Variants in PRKD1 observed in about 807,000 individuals in gnomAD.
PRKD1 encodes the protein protein kinase D1.
A neutral mutation model predicts 95.9 loss-of-function variants in PRKD1; 63 were observed. That is an observed-to-expected ratio of 0.66 (90% CI 0.54 to 0.81). The LOEUF (loss-of-function observed/expected upper bound fraction) is 0.81. PRKD1 is among the 30% of genes least tolerant of loss of function. The probability of loss-of-function intolerance (pLI) is 0.00; values close to 1 mark genes in which losing one functional copy is unlikely to be tolerated. For missense variants in PRKD1, 1,048 were observed against 1,165.3 expected (o/e 0.90, Z 1.47); for synonymous variants, 425 against 423.1 (o/e 1.00, Z -0.05).
At chr14:29,864,115 A>G (rs1370112122) in intron 1 of PRKD1, among the ~76,000 whole-genome samples, 1 of 152,116 alleles carries the variant, frequency 6.6e-6, no homozygotes, top group Non-Finnish European at 1.5e-5. Flanking sequence ...TATAAATTAA[A>G]TAAGAGAACT....
At chr14:29,873,492 A>C (rs1028363202) in intron 1 of PRKD1, among the ~76,000 whole-genome samples, 1 of 152,256 alleles carries the variant, frequency 6.6e-6, no homozygotes, top group Non-Finnish European at 1.5e-5. Flanking sequence ...GATACAAAAA[A>C]AAAAAGTCAA....
intron 1 of PRKD1, among the ~76,000 whole-genome samples, chr14:29,782,705 A>G (rs1363385301): frequency 1.3e-5 from 2 of 151,450 alleles, no homozygotes; most frequent in Non-Finnish European, 2.9e-5. Context: ...ATGCCCAGCT[A>G]ATTTTTTTTC....
intron 2 of PRKD1, among the ~76,000 whole-genome samples, chr14:29,713,031 G>A (rs990652518): frequency 6.6e-6 from 1 of 152,110 alleles, no homozygotes; most frequent in African/African-American, 2.4e-5. Flanking sequence ...AGCCTTCAGT[G>A]ACTTTTAATG....
chr14:29,716,672 G>A (rs905684418), intron 2 of PRKD1, among the ~76,000 whole-genome samples: 2 of 152,158 alleles, frequency 1.3e-5, no homozygotes, highest in East Asian at 3.9e-4. Context: ...GTATTGGGGG[G>A]TACATCAAAA....
intron 16 of PRKD1, among the ~76,000 whole-genome samples, chr14:29,583,259 G>A (rs17114980): frequency 0.046 from 6,945 of 152,238 alleles, 366 homozygotes; most frequent in South Asian, 0.15. Context: ...CGGTCTTTCA[G>A]TGGTTTCAGG....
chr14:29,692,651 T>C (rs186610468), intron 2 of PRKD1, among the ~76,000 whole-genome samples: 1 of 152,154 alleles, frequency 6.6e-6, no homozygotes, highest in Non-Finnish European at 1.5e-5. Context: ...GGAAACATTA[T>C]GTACCCATTT....
At chr14:29,899,508 A>G (rs1010227184) in intron 1 of PRKD1, among the ~76,000 whole-genome samples, 1 of 152,248 alleles carries the variant, frequency 6.6e-6, no homozygotes, top group South Asian at 2.1e-4. Flanking sequence ...TTGGCTGGGC[A>G]TGGTGACCCA....
rs576203379 is a variant in PRKD1, at chr14:29,891,672, G to A, written c.264+35577C>T. Among the ~76,000 whole-genome samples, 445 of 144,692 alleles carry A rather than the reference G, an allele frequency of 3.1e-3. 4 individuals carry two copies. Among genetic ancestry groups the A allele is most frequent in the Non-Finnish European group, 4.9e-3 (322 of 66,212 alleles). The allele number at this position is 144,692 out of a possible 152,430, so 94.9% of individuals were successfully genotyped here. On this transcript the variant is annotated intron_variant, in intron 1 of 17. Transcript: ENST00000331968. Reference sequence around the variant, plus strand: ...AAATTTTTGGGGTTTTTTTTTTTTCGTTTAAATCCCTTTCTAGATTGTTTT... The same window carrying A: ...AAATTTTTGGGGTTTTTTTTTTTTCATTTAAATCCCTTTCTAGATTGTTTT...
chr14:29,645,906 G>T lies in PRKD1; in HGVS notation c.697-7002C>A, dbSNP rs189614273. 3.9e-5 allele frequency among the ~76,000 whole-genome samples: 6 copies of T among 152,068 alleles called. No homozygotes were observed. The East Asian group carries it at 1.2e-3, about 30-fold the overall frequency. On this transcript the variant is annotated intron_variant, in intron 4 of 17. Coordinates refer to ENST00000331968, the MANE Select transcript of PRKD1 (RefSeq NM_002742.3). ...CTCACATCATCCTGTCTCCTCCAAAGTCATTAAAGCAGCATGCAACTGTAT... is the reference window on the plus strand; with the variant it reads ...CTCACATCATCCTGTCTCCTCCAAATTCATTAAAGCAGCATGCAACTGTAT...
At chr14:29,742,766 T>G (rs911964965) in intron 1 of PRKD1, among the ~76,000 whole-genome samples, 6 of 152,204 alleles carry the variant, frequency 3.9e-5, no homozygotes, top group African/African-American at 1.2e-4. Context: ...TATATATCTA[T>G]GCTAATATGA....
chr14:29,856,847 C>T (rs542123930), intron 1 of PRKD1, among the ~76,000 whole-genome samples: 2 of 152,324 alleles, frequency 1.3e-5, no homozygotes, highest in African/African-American at 2.4e-5. Context: ...TAGCCTAATC[C>T]ATTTGCCTCG....
chr14:29,815,521 T>C (rs2139254942), intron 1 of PRKD1, among the ~76,000 whole-genome samples: 1 of 152,302 alleles, frequency 6.6e-6, no homozygotes, highest in Middle Eastern at 3.4e-3. Flanking sequence ...TTGATAGTAG[T>C]CTAACCGTTA....
chr14:29,734,300 A>G (rs1886611975), intron 1 of PRKD1, among the ~76,000 whole-genome samples: 1 of 151,844 alleles, frequency 6.6e-6, no homozygotes, highest in Admixed American at 6.6e-5. Flanking sequence ...TTGGCCTCCC[A>G]AAGTGCTGGT....
chr14:29,739,574 T>A (rs1056533280), intron 1 of PRKD1, among the ~76,000 whole-genome samples: 1 of 152,178 alleles, frequency 6.6e-6, no homozygotes, highest in African/African-American at 2.4e-5. Context: ...TCTTTTGAAA[T>A]TAAAGTTTTG....
At chr14:29,786,921 A>G (rs1889299759) in intron 1 of PRKD1, among the ~76,000 whole-genome samples, 2 of 151,548 alleles carry the variant, frequency 1.3e-5, no homozygotes, top group Admixed American at 1.3e-4. Flanking sequence ...CTGCATCACT[A>G]GGTTGTTTAT....
intron 1 of PRKD1, among the ~76,000 whole-genome samples, chr14:29,777,736 G>A (rs554748276): frequency 6.6e-5 from 10 of 152,198 alleles, no homozygotes; most frequent in South Asian, 4.2e-4. Context: ...ACAGATCAAC[G>A]AGACAGAAAG....
intron 6 of PRKD1, among the ~76,000 whole-genome samples, chr14:29,637,148 T>C (rs1056844141): frequency 2.0e-5 from 3 of 152,158 alleles, no homozygotes; most frequent in East Asian, 1.9e-4. Context: ...GCTCATATTT[T>C]AGAAGCACAG....
At chr14:29,886,194 G>A (rs1182145789) in intron 1 of PRKD1, among the ~76,000 whole-genome samples, 1 of 152,196 alleles carries the variant, frequency 6.6e-6, no homozygotes, top group Non-Finnish European at 1.5e-5. Context: ...AAAGCTTACA[G>A]TAAGTACTAG....
At position 29,636,322 on chromosome 14, in the gene PRKD1, G is replaced by A; in HGVS notation, c.1158C>T (p.Asp386=). ...QNDSGEMQDP[D]PDHEDANRTI... The stretch of plus-strand genomic sequence containing the variant: ...TTCTGTTGGCGTCCTCGTGGTCTGG[G>A]TCTGGATCTTGCATCTCGCCACTGT... The change falls in exon 7 of 18, where the codon GAC becomes GAT. Residue 386 remains aspartate, a synonymous_variant. Coordinates refer to ENST00000331968, the MANE Select transcript of PRKD1 (RefSeq NM_002742.3). 1.2e-6 allele frequency: 2 copies of A among 1,614,210 alleles called. No individual in the cohort carries two copies. Among genetic ancestry groups the A allele is most frequent in the Non-Finnish European group, 1.7e-6 (2 of 1,180,038 alleles).
Sources: allele counts gnomAD v4.1 joint callset (sites outside exome capture counted in the v4.1 genomes callset), GRCh38; gene constraint gnomAD v4.1.1; transcripts MANE v1.5; gene names NCBI Gene and HGNC (gene_info 2026-07-23, HGNC 2026-07-21).